FGF13: variants seen among roughly 807,000 people sequenced by gnomAD.
FGF13 encodes the protein fibroblast growth factor 13.
FGF13 carries 2 observed loss-of-function variants against 19.5 expected under a neutral mutation model. That is an observed-to-expected ratio of 0.10 (90% CI 0.04 to 0.32). The LOEUF is 0.32. FGF13 is among the 10% of genes least tolerant of loss of function. The pLI is 1.00. For missense variants in FGF13, 113 were observed against 192.7 expected (o/e 0.59, Z 2.45); for synonymous variants, 72 against 76.9 (o/e 0.94, Z 0.33).
At chrX:139,130,091 A>T (rs916057236) in intron 1 of FGF13, among the ~76,000 whole-genome samples, 2 of 112,343 alleles carry the variant, frequency 1.8e-5, no homozygotes, top group Non-Finnish European at 3.8e-5. Context: ...TCAAATGAAC[A>T]ATTTTTAAAC....
intron 1 of FGF13, among the ~76,000 whole-genome samples, chrX:139,069,827 C>A (rs1235587081): frequency 1.8e-5 from 2 of 111,636 alleles, no homozygotes; most frequent in Non-Finnish European, 3.8e-5. Context: ...AATAACAACA[C>A]ACATCTACAA....
intron 1 of FGF13, among the ~76,000 whole-genome samples, chrX:139,143,402 G>A (rs900488689): frequency 3.6e-5 from 4 of 111,927 alleles, no homozygotes; most frequent in African/African-American, 9.7e-5. Flanking sequence ...CACAGCAACC[G>A]CAACACAGGC....
At chrX:139,108,376 T>C (rs1049855519) in intron 1 of FGF13, among the ~76,000 whole-genome samples, 1 of 110,939 alleles carries the variant, frequency 9.0e-6, no homozygotes, top group African/African-American at 3.3e-5. Flanking sequence ...GCAGCTGACA[T>C]AGAAGAGTGC....
chrX:138,639,074 GT>G (rs764038579), intron 3 of FGF13, among the ~76,000 whole-genome samples: 2 of 112,068 alleles, frequency 1.8e-5, no homozygotes, highest in African/African-American at 3.2e-5. Flanking sequence ...CCAGTGTTGA[GT>G]AGGCAGAAGA....
At chrX:139,133,344 GAAAA>G (rs35534771) in intron 1 of FGF13, among the ~76,000 whole-genome samples, 5 of 67,687 alleles carry the variant, frequency 7.4e-5, no homozygotes, top group African/African-American at 2.3e-4. Flanking sequence ...GGGACCACGT[GAAAA>G]AAAAAAAAAA....
chrX:138,914,953 G>T (rs1365854739), intron 1 of FGF13, among the ~76,000 whole-genome samples: 1 of 111,243 alleles, frequency 9.0e-6, no homozygotes, highest in Non-Finnish European at 1.9e-5. Context: ...TGCAATTTCT[G>T]CCTGCCAGAG....
chrX:139,085,284 C>T (rs894326064), intron 1 of FGF13, among the ~76,000 whole-genome samples: 5 of 112,029 alleles, frequency 4.5e-5, no homozygotes, highest in South Asian at 3.7e-4. Flanking sequence ...AAAATTTTAG[C>T]TTTACCACTT....
At chrX:139,093,059 A>G in intron 1 of FGF13, among the ~76,000 whole-genome samples, 1 of 112,253 alleles carries the variant, frequency 8.9e-6, no homozygotes, top group Admixed American at 9.4e-5. Context: ...AGCAGGGAAA[A>G]GAATAATAAA....
At chrX:138,956,103 T>C (rs1035080458) in intron 1 of FGF13, among the ~76,000 whole-genome samples, 1 of 111,795 alleles carries the variant, frequency 8.9e-6, no homozygotes, top group Non-Finnish European at 1.9e-5. Context: ...GCCAGTGGCC[T>C]GAAGCCAAAC....
chrX:138,851,176 T>C (rs989631849), intron 3 of FGF13, among the ~76,000 whole-genome samples: 1 of 112,282 alleles, frequency 8.9e-6, no homozygotes, highest in African/African-American at 3.2e-5. Flanking sequence ...TCTTTGCTAC[T>C]GTGAATAGTG....
intron 1 of FGF13, among the ~76,000 whole-genome samples, chrX:138,925,929 C>T (rs758329160): frequency 8.9e-6 from 1 of 111,874 alleles, no homozygotes; most frequent in Non-Finnish European, 1.9e-5. Flanking sequence ...AGAACAGCAA[C>T]AGCAATGGTC....
chrX:139,143,370 T>G (rs188547064), intron 1 of FGF13, among the ~76,000 whole-genome samples: 1 of 112,334 alleles, frequency 8.9e-6, no homozygotes, highest in Admixed American at 9.4e-5. Context: ...TTCCACACTT[T>G]GCAAAAACTG....
chrX:138,791,105 T>TG (rs2090739177), intron 3 of FGF13, among the ~76,000 whole-genome samples: 1 of 112,688 alleles, frequency 8.9e-6, no homozygotes, highest in Non-Finnish European at 1.9e-5. Context: ...ACCAAAACTT[T>TG]AAGAAAACCA....
At chrX:138,683,415 T>TCACACA (rs376513383) in intron 3 of FGF13, among the ~76,000 whole-genome samples, 9 of 103,407 alleles carry the variant, frequency 8.7e-5, no homozygotes, top group African/African-American at 2.1e-4. Flanking sequence ...TCTCTCTCTC[T>TCACACA]CACACACACA....
chrX:138,838,914 A>G (rs2091130914), intron 3 of FGF13, among the ~76,000 whole-genome samples: 1 of 111,613 alleles, frequency 9.0e-6, no homozygotes. Context: ...TCTATTTTAC[A>G]TGTGAGAAAT....
intron 1 of FGF13, among the ~76,000 whole-genome samples, chrX:139,032,478 C>T (rs1457202520): frequency 9.0e-6 from 1 of 111,533 alleles, no homozygotes; most frequent in East Asian, 2.8e-4. Context: ...AGCACTATGC[C>T]TCTGTATTAT....
chrX:138,744,190 G>C (rs938731590), upstream of FGF13, among the ~76,000 whole-genome samples: 4 of 111,334 alleles, frequency 3.6e-5, no homozygotes, highest in African/African-American at 1.3e-4. Flanking sequence ...GAGGGTAACA[G>C]GGGCAGACAG....
At chrX:138,638,743 C>A (rs1310017833) in intron 3 of FGF13, among the ~76,000 whole-genome samples, 3 of 112,028 alleles carry the variant, frequency 2.7e-5, no homozygotes, top group African/African-American at 9.7e-5. Context: ...TTCCTTAATA[C>A]CATATCATGA....
chrX:138,757,941 G>A (rs933476877), intron 3 of FGF13, among the ~76,000 whole-genome samples: 10 of 111,887 alleles, frequency 8.9e-5, no homozygotes, highest in South Asian at 3.8e-4. Flanking sequence ...CATCAAAAAA[G>A]TAGTAAGGGT....
Sources: allele counts gnomAD v4.1 joint callset (sites outside exome capture counted in the v4.1 genomes callset), GRCh38; gene constraint gnomAD v4.1.1; transcripts MANE v1.5; gene names NCBI Gene and HGNC (gene_info 2026-07-23, HGNC 2026-07-21).